The following DNAH3 variants were observed in gnomAD, a reference collection of about 807,000 sequenced individuals.
DNAH3 encodes the protein dynein axonemal heavy chain 3.
DNAH3 carries 332 observed loss-of-function variants against 432.5 expected under a neutral mutation model. That is an observed-to-expected ratio of 0.77 (90% CI 0.70 to 0.84). The LOEUF is 0.84. DNAH3 is among the 40% of genes least tolerant of loss of function. DNAH3 has a pLI of 0.00. For missense variants in DNAH3, 4,861 were observed against 5,114.0 expected (o/e 0.95, Z 1.51); for synonymous variants, 1,956 against 1,900.2 (o/e 1.03, Z -0.76).
intron 18 of DNAH3, among the ~76,000 whole-genome samples, chr16:21,090,922 C>T (rs182731806): frequency 1.6e-3 from 247 of 152,082 alleles, no homozygotes; most frequent in African/African-American, 5.9e-3. Flanking sequence ...GAATCAGAGG[C>T]GGGTGGATTG....
At chr16:21,000,793 C>T (rs1476055594) in intron 42 of DNAH3, among the ~76,000 whole-genome samples, 2 of 152,118 alleles carry the variant, frequency 1.3e-5, no homozygotes, top group African/African-American at 4.8e-5. Context: ...AAGACTGGGT[C>T]GAGAGCCTTT....
intron 58 of DNAH3, 48 bp from the exon 59 acceptor site, chr16:20,941,591 G>T (rs1339199782): frequency 6.2e-7 from 1 of 1,605,298 alleles, no homozygotes; most frequent in Admixed American, 1.7e-5. Context: ...AGCCCTACAG[G>T]CTGTGGCTTT....
At chr16:21,055,984 C>T (rs1445955215) in intron 27 of DNAH3, among the ~76,000 whole-genome samples, 2 of 151,424 alleles carry the variant, frequency 1.3e-5, no homozygotes, top group African/African-American at 2.5e-5. Context: ...GCAATCCTCC[C>T]GCCTTGGCCT....
At chr16:21,126,090 G>C (rs868263878) in intron 8 of DNAH3, among the ~76,000 whole-genome samples, 4 of 152,214 alleles carry the variant, frequency 2.6e-5, no homozygotes, top group Non-Finnish European at 4.4e-5. Context: ...TTGAACCTGG[G>C]AGATGGGAGG....
chr16:21,030,229 C>G, intron 37 of DNAH3, among the ~76,000 whole-genome samples: 1 of 152,136 alleles, frequency 6.6e-6, no homozygotes, highest in East Asian at 1.9e-4. Flanking sequence ...CAACAGAATG[C>G]AGAGAAAGTA....
chr16:21,105,798 A>T (rs762921799), intron 15 of DNAH3, among the ~76,000 whole-genome samples: 5 of 152,152 alleles, frequency 3.3e-5, no homozygotes, highest in Non-Finnish European at 7.3e-5. Context: ...GATTACAGGT[A>T]AGTAAAATCT....
At position 21,081,620 on chromosome 16, in the gene DNAH3, G is replaced by C. The variant is rs1393005804; in HGVS notation, c.2969+16C>G. ...TTTGACCAAAACCTTATCTGAAGGA[G>C]GGGATAAGCCCTTACTTTTCAACGA... On this transcript the variant is annotated intron_variant, in intron 20 of 61. Transcript: ENST00000261383. 1 of 1,603,026 alleles carries C rather than the reference G, an allele frequency of 6.2e-7. No homozygotes were observed. The highest frequency in any genetic ancestry group is 8.5e-7 in the Non-Finnish European group (1 of 1,171,284).
intron 41 of DNAH3, among the ~76,000 whole-genome samples, chr16:21,006,658 G>A (rs1296574294): frequency 6.6e-6 from 1 of 152,040 alleles, no homozygotes; most frequent in Non-Finnish European, 1.5e-5. Flanking sequence ...GTTCTTTTGC[G>A]ACTGGCTTCT....
intron 49 of DNAH3, among the ~76,000 whole-genome samples, chr16:20,981,202 C>T (rs1175129043): frequency 6.6e-6 from 1 of 152,182 alleles, no homozygotes; most frequent in Non-Finnish European, 1.5e-5. Flanking sequence ...CTGGGGTTTA[C>T]TGCCTACATT....
rs2083564874 is a variant in DNAH3, at chr16:20,935,778, G to A, written c.11860-293C>T. On this transcript the variant is annotated intron_variant, in intron 60 of 61. Transcript: ENST00000261383. ...GAATCGCTTGAACCCAGGAGGCAGA[G>A]GTTGCAGTGAGCCAAGATCATGCCA... Among the ~76,000 whole-genome samples, 5 of 151,742 alleles carry A rather than the reference G, an allele frequency of 3.3e-5. 1 individual carries two copies. The South Asian group carries it at 1.0e-3, about 32-fold the overall frequency.
rs146677475 is a variant in DNAH3 at position 20,964,009 on chromosome 16, A to T, written c.9875T>A (p.Met3292Lys). The T allele has an allele frequency of 2.0e-5, 33 of 1,614,076 alleles. No homozygotes were observed. The highest frequency in any genetic ancestry group is 2.7e-5 in the Non-Finnish European group (32 of 1,180,046). Residue 3292 changes from methionine (M) to lysine (K), a missense_variant, in exon 53 of 62, where the codon ATG becomes AAG. By Grantham distance (95) the Met-to-Lys change is moderately conservative. Coordinates refer to ENST00000261383, the Ensembl canonical transcript of DNAH3. ...ATGCACAGCCACTGGCTTGTAGCCC[A>T]TCCGAGTCTCGTCAATCTGCGTTTC... is the stretch of plus-strand genomic sequence containing the variant.
chr16:21,041,587 C>T (rs551183514), intron 32 of DNAH3, among the ~76,000 whole-genome samples: 1 of 152,296 alleles, frequency 6.6e-6, no homozygotes, highest in Non-Finnish European at 1.5e-5. Flanking sequence ...ATGGGCGTAG[C>T]TGGGTCTCTC....
intron 31 of DNAH3, among the ~76,000 whole-genome samples, chr16:21,048,345 C>A (rs2089803493): frequency 2.0e-5 from 3 of 152,218 alleles, no homozygotes; most frequent in African/African-American, 7.2e-5. Context: ...GGGCGTAGGA[C>A]CCTCCGAGCC....
At position 21,070,711 on chromosome 16, in the gene DNAH3, C is replaced by T. The variant is rs144139404; in HGVS notation, c.3200G>A (p.Arg1067Gln). Residue 1067 changes from arginine to glutamine, a missense_variant and splice_region_variant, in exon 22 of 62, where the codon CGG (arginine) becomes CAG (glutamine). Transcript: ENST00000261383. ...GCATTCAACTTCATTTCCTCTTACC[C>T]GGCATTCTGCTTCTATTGGTTTGAT... 16 of 1,599,984 alleles carry T rather than the reference C, an allele frequency of 1.0e-5. No individual in the cohort carries two copies. Among genetic ancestry groups the T allele is most frequent in the Admixed American group, 5.0e-5 (3 of 59,962 alleles).
chr16:21,051,279 T>C (rs1215608809), intron 29 of DNAH3, among the ~76,000 whole-genome samples: 2 of 152,328 alleles, frequency 1.3e-5, no homozygotes, highest in Non-Finnish European at 2.9e-5. Flanking sequence ...CCAGCTTTTT[T>C]CATGAGACTG....
chr16:21,003,951 A>C (rs749280134), intron 41 of DNAH3, among the ~76,000 whole-genome samples: 3 of 152,182 alleles, frequency 2.0e-5, no homozygotes, highest in Non-Finnish European at 4.4e-5. Flanking sequence ...GGATTTTATA[A>C]GAAGGGGACT....
At chr16:21,007,803 G>C (rs1283067755) in intron 41 of DNAH3, among the ~76,000 whole-genome samples, 2 of 152,078 alleles carry the variant, frequency 1.3e-5, no homozygotes, top group Non-Finnish European at 2.9e-5. Context: ...GTGCATCTAT[G>C]TTTTCTTCTA....
At chr16:21,145,058 G>A (rs1435889509) in intron 3 of DNAH3, 123 bp downstream of exon 4, 1 of 836,260 alleles carries the variant, frequency 1.2e-6, no homozygotes, top group South Asian at 1.8e-5. Flanking sequence ...GTTGCAATGA[G>A]CCACGATCGT....
At chr16:21,153,080 G>A (rs1834273943) in intron 1 of DNAH3, among the ~76,000 whole-genome samples, 1 of 152,228 alleles carries the variant, frequency 6.6e-6, no homozygotes, top group African/African-American at 2.4e-5. Flanking sequence ...TGGGGACGTG[G>A]AGAACCTTTA....
Sources: gnomAD v4.1 joint callset for allele counts (sites outside exome capture counted in the v4.1 genomes callset) on GRCh38, gnomAD v4.1.1 for gene constraint, MANE v1.5 for transcripts, NCBI Gene and HGNC (gene_info 2026-07-23, HGNC 2026-07-21) for gene names.